LRRFIP2: variants seen among roughly 807,000 people sequenced by gnomAD.
LRRFIP2 encodes the protein LRR binding FLII interacting protein 2.
Under a neutral mutation model 125.9 loss-of-function variants are expected in LRRFIP2, and 109 were observed. That is an observed-to-expected ratio of 0.87 (90% CI 0.74 to 1.01). The LOEUF is 1.01. Ranked by LOEUF, LRRFIP2 falls within the 50% of genes least tolerant of loss-of-function variation. The pLI, the probability that LRRFIP2 is intolerant of heterozygous loss-of-function variation, is 0.00. For missense variants in LRRFIP2, 850 were observed against 862.3 expected (o/e 0.99, Z 0.18); for synonymous variants, 291 against 293.1 (o/e 0.99, Z 0.07).
chr3:37,145,438 A>C (rs1577442327), intron 2 of LRRFIP2, among the ~76,000 whole-genome samples: 2 of 152,302 alleles, frequency 1.3e-5, no homozygotes, highest in Non-Finnish European at 1.5e-5. Flanking sequence ...GGGGAAAAAA[A>C]GGTGTTGCTA....
At chr3:37,166,022 G>C (rs2150336863) in intron 1 of LRRFIP2, among the ~76,000 whole-genome samples, 1 of 152,218 alleles carries the variant, frequency 6.6e-6, no homozygotes, top group Non-Finnish European at 1.5e-5. Flanking sequence ...CAAAAGAAAA[G>C]GTAAGTTGGA....
intron 6 of LRRFIP2, among the ~76,000 whole-genome samples, chr3:37,117,561 C>T (rs1038220754): frequency 4.0e-5 from 6 of 151,436 alleles, no homozygotes; most frequent in African/African-American, 1.5e-4. Flanking sequence ...ATTTTTGATG[C>T]TATAACCATA....
In LRRFIP2 at chr3:37,098,311, G is replaced by A. The variant is rs564230501; in HGVS notation, c.874-1651C>T. 9.9e-5 allele frequency among the ~76,000 whole-genome samples: 15 copies of A among 151,724 alleles called. 1 individual carries two copies. The South Asian group carries it at 3.1e-3, about 32-fold the overall frequency. ...TTTTTACTATACTTTAAGTTCTAGG[G>A]TACATGTGTACAACGTGCAGGTTTG... On this transcript the variant is annotated intron_variant, in intron 15 of 27. Transcript: ENST00000336686.
chr3:37,086,666 G>C (rs967645352), intron 18 of LRRFIP2, among the ~76,000 whole-genome samples: 6 of 152,086 alleles, frequency 3.9e-5, no homozygotes, highest in Non-Finnish European at 8.8e-5. Context: ...CAGAATAGGC[G>C]AATCTACAGA....
Position 37,121,541 on chromosome 3 carries a change from T to C in LRRFIP2, c.286-5A>G, listed in dbSNP as rs2095039045. ...GGACAATGCATCCTCAACTCCCTGA[T>C]AAAAATGAAAATAAACACAGTAAAA... On this transcript the variant is annotated splice_region_variant and splice_polypyrimidine_tract_variant and intron_variant, in intron 5 of 27. Coordinates refer to ENST00000336686, the MANE Select transcript of LRRFIP2 (RefSeq NM_006309.4). 2 of 1,613,828 alleles carry C rather than the reference T, an allele frequency of 1.2e-6. No individual in the cohort carries two copies. The highest frequency in any genetic ancestry group is 2.7e-5 in the African/African-American group (2 of 75,020).
chr3:37,171,677 G>T (rs541441826), intron 1 of LRRFIP2, among the ~76,000 whole-genome samples: 8 of 152,188 alleles, frequency 5.3e-5, no homozygotes, highest in Middle Eastern at 6.8e-3. Context: ...CTCCATAGAG[G>T]TTTATTTTAT....
chr3:37,112,327 T>A, intron 8 of LRRFIP2, among the ~76,000 whole-genome samples: 1 of 130,534 alleles, frequency 7.7e-6, no homozygotes, highest in Admixed American at 8.9e-5. Context: ...AGAGCGAGAC[T>A]CCATCTCAAA....
intron 25 of LRRFIP2, among the ~76,000 whole-genome samples, 169 bp from the exon 26 acceptor site, chr3:37,055,334 G>A (rs1278393814): frequency 6.6e-6 from 1 of 152,170 alleles, no homozygotes; most frequent in Admixed American, 6.5e-5. Context: ...GGAGGCCGAG[G>A]TGGGTGGATC....
rs200076067 is a variant in LRRFIP2, at chr3:37,136,656, CAAAGA to C, written c.91-7512_91-7508del. Among the ~76,000 whole-genome samples the C allele has an allele frequency of 9.8e-3, 1,491 of 152,004 alleles. 23 individuals carry two copies. The highest frequency in any genetic ancestry group is 0.021 in the Middle Eastern group (6 of 292). On this transcript the variant is annotated intron_variant, in intron 2 of 27. Coordinates refer to ENST00000336686, the MANE Select transcript of LRRFIP2 (RefSeq NM_006309.4). The stretch of plus-strand genomic sequence containing the variant: ...CCTTAATAATATGCATTATGAATCT[CAAAGA>C]AGAGGATAGAATATATAGTATTTCT...
At chr3:37,072,071 T>C (rs2091291738) in intron 21 of LRRFIP2, among the ~76,000 whole-genome samples, 1 of 152,234 alleles carries the variant, frequency 6.6e-6, no homozygotes, top group Non-Finnish European at 1.5e-5. Context: ...CTTCCTATTT[T>C]ATACACCAAG....
intron 1 of LRRFIP2, among the ~76,000 whole-genome samples, chr3:37,155,704 T>C (rs1449849247): frequency 2.0e-5 from 3 of 152,316 alleles, no homozygotes; most frequent in Non-Finnish European, 2.9e-5. Flanking sequence ...AAAAGTCCTC[T>C]ACACAAATAT....
At chr3:37,071,827 G>A (rs995187686) in intron 21 of LRRFIP2, among the ~76,000 whole-genome samples, 6 of 152,188 alleles carry the variant, frequency 3.9e-5, no homozygotes, top group Admixed American at 3.9e-4. Flanking sequence ...AGAACAGAGA[G>A]CTCAGCCAGG....
At chr3:37,109,743 C>T in intron 9 of LRRFIP2, 40 bp from the exon 10 acceptor site, 1 of 1,580,562 alleles carries the variant, frequency 6.3e-7, no homozygotes, top group Non-Finnish European at 8.7e-7. Flanking sequence ...AAAACAAAAA[C>T]AAAGATGAAT....
At chr3:37,106,333 C>G (rs1221412401) in intron 13 of LRRFIP2, among the ~76,000 whole-genome samples, 1 of 152,136 alleles carries the variant, frequency 6.6e-6, no homozygotes, top group Non-Finnish European at 1.5e-5. Context: ...CTAACATCAC[C>G]CTACATGGCT....
chr3:37,135,175 A>T, intron 2 of LRRFIP2: 1 of 1,051,444 alleles, frequency 9.5e-7, no homozygotes, highest in Non-Finnish European at 1.4e-6. Context: ...TAAAAAAAAA[A>T]AAAGGCTGGG....
rs115502661 is a variant in LRRFIP2, at chr3:37,169,283, T to C, written c.-56+5256A>G. On this transcript the variant is annotated intron_variant, in intron 1 of 27. Coordinates refer to ENST00000336686, the MANE Select transcript of LRRFIP2 (RefSeq NM_006309.4). ...GGTCAACAGAGTAAATTTTATGTTA[T>C]CTATATTGTACCACAATTTTAAAAA... Among the ~76,000 whole-genome samples, 265 of 152,366 alleles carry C rather than the reference T, an allele frequency of 1.7e-3. 1 individual carries two copies. Among genetic ancestry groups the C allele is most frequent in the Non-Finnish European group, 3.2e-3 (217 of 68,036 alleles).
At chr3:37,121,335 G>T in intron 6 of LRRFIP2, 157 bp downstream of exon 6, 8 of 654,904 alleles carry the variant, frequency 1.2e-5, no homozygotes, top group South Asian at 1.2e-4. Flanking sequence ...TAATTTGAAA[G>T]AAAGCATCAT....
In LRRFIP2 at chr3:37,098,396, TC is replaced by T. The variant is rs147855434; in HGVS notation, c.874-1737del. ...TAACTTTAATTTTTTTTCTTTTTTT[TC>T]TTTTTTTTGAGACAGGGTCTCACTC... is the stretch of plus-strand genomic sequence containing the variant. On this transcript the variant is annotated intron_variant, in intron 15 of 27. Coordinates refer to ENST00000336686, the MANE Select transcript of LRRFIP2 (RefSeq NM_006309.4). 6.3e-4 allele frequency among the ~76,000 whole-genome samples: 94 copies of T among 149,828 alleles called. 7 individuals are homozygous for T. The highest frequency in any genetic ancestry group is 3.5e-3 in the Middle Eastern group (1 of 284).
chr3:37,128,149 TAAAAG>T (rs1233582546), intron 3 of LRRFIP2, among the ~76,000 whole-genome samples: 3 of 152,190 alleles, frequency 2.0e-5, no homozygotes, highest in Non-Finnish European at 4.4e-5. Flanking sequence ...TACATGAGGT[TAAAAG>T]AAAATTAGCA....
Sources: gnomAD v4.1 joint callset for allele counts (sites outside exome capture counted in the v4.1 genomes callset) on GRCh38, gnomAD v4.1.1 for gene constraint, MANE v1.5 for transcripts, NCBI Gene and HGNC (gene_info 2026-07-23, HGNC 2026-07-21) for gene names.